Variants in NME7 observed in about 807,000 individuals in gnomAD.
The protein encoded by NME7 is nucleoside diphosphate kinase 7.
NME7 carries 41 observed loss-of-function variants against 49.1 expected under a neutral mutation model. That is an observed-to-expected ratio of 0.83 (90% confidence interval 0.65 to 1.08). NME7 has a LOEUF of 1.08. Ranked by LOEUF, NME7 falls within the 50% of genes least tolerant of loss-of-function variation. The pLI is 0.00. For synonymous variants in NME7, 139 were observed against 150.6 expected (o/e 0.92, Z 0.56); for missense variants, 423 against 463.4 (o/e 0.91, Z 0.80).
chr1:169,348,027 G>A (rs1653007622), intron 1 of NME7, among the ~76,000 whole-genome samples: 1 of 152,126 alleles, frequency 6.6e-6, no homozygotes. Context: ...GATTCTGATA[G>A]CATTTTCATC....
At chr1:169,353,443 C>T (rs1235028616) in intron 1 of NME7, among the ~76,000 whole-genome samples, 1 of 151,996 alleles carries the variant, frequency 6.6e-6, no homozygotes, top group East Asian at 1.9e-4. Context: ...AACTATGAAA[C>T]TACTACAAGA....
Position 169,324,392 on chromosome 1 carries a change from C to T in NME7, c.111+1G>A. On this transcript the variant is annotated splice_donor_variant, in intron 2 of 11. Coordinates refer to ENST00000367811, the MANE Select transcript of NME7 (RefSeq NM_013330.5). LOFTEE classifies it high-confidence loss of function. The stretch of plus-strand genomic sequence containing the variant: ...ATTCAAGCAAAGAAAGGCTTATTTA[C>T]CATTTCAACAGATCCATCCCCTGGG... The T allele has an allele frequency of 1.9e-6, 3 of 1,596,912 alleles. No individual in the cohort carries two copies. The highest frequency in any genetic ancestry group is 1.7e-6 in the Non-Finnish European group (2 of 1,164,728).
At chr1:169,236,792 G>T (rs1647875328) in intron 8 of NME7, among the ~76,000 whole-genome samples, 1 of 148,376 alleles carries the variant, frequency 6.7e-6, no homozygotes, top group South Asian at 2.1e-4. Context: ...CCTTGATTTT[G>T]GGTAATCTTA....
chr1:169,175,762 A>G (rs1407410863), intron 10 of NME7, among the ~76,000 whole-genome samples: 1 of 152,152 alleles, frequency 6.6e-6, no homozygotes, highest in Non-Finnish European at 1.5e-5. Context: ...GGACTACAGG[A>G]TAACTATGTT....
intron 7 of NME7, among the ~76,000 whole-genome samples, chr1:169,274,950 G>C (rs1649643621): frequency 7.5e-6 from 1 of 132,866 alleles, no homozygotes; most frequent in Non-Finnish European, 1.8e-5. Context: ...GGCGATGTGG[G>C]CTCTTTTTTG....
chr1:169,319,052 T>C (rs1403209572), intron 3 of NME7, among the ~76,000 whole-genome samples: 2 of 148,878 alleles, frequency 1.3e-5, no homozygotes, highest in East Asian at 1.9e-4. Flanking sequence ...TTAATTTTAA[T>C]TTTAATTTAA....
intron 7 of NME7, among the ~76,000 whole-genome samples, chr1:169,273,342 G>C (rs1649561105): frequency 7.6e-6 from 1 of 132,184 alleles, no homozygotes; most frequent in South Asian, 2.3e-4. Context: ...AGTTTGCTGA[G>C]AATGACAGTT....
chr1:169,349,133 A>T (rs1049001005), intron 1 of NME7, among the ~76,000 whole-genome samples: 6 of 151,918 alleles, frequency 3.9e-5, no homozygotes. Context: ...GAATAAGTTA[A>T]TAAGTTTCTT....
At chr1:169,235,246 A>C in intron 8 of NME7, 47 bp from the exon 9 acceptor site, 3 of 1,001,752 alleles carry the variant, frequency 3.0e-6, no homozygotes, top group Non-Finnish European at 4.4e-6. Context: ...CAACCAACAA[A>C]AGGGAAATAA....
At chr1:169,181,585 A>G (rs1204978219) in intron 10 of NME7, among the ~76,000 whole-genome samples, 1 of 152,002 alleles carries the variant, frequency 6.6e-6, no homozygotes, top group Non-Finnish European at 1.5e-5. Flanking sequence ...TATTTTATGC[A>G]TCCTATCAAA....
In NME7 at chr1:169,355,243, T is replaced by A. The variant is rs1195500350; in HGVS notation, c.3+12465A>T. On this transcript the variant is annotated intron_variant, in intron 1 of 11. Transcript: ENST00000367811. Reference sequence around the variant, plus strand: ...ATTATAGATATAATATATAATATATTATATATTATATCTATATATAATATA... The same window carrying A: ...ATTATAGATATAATATATAATATATAATATATTATATCTATATATAATATA... Among the ~76,000 whole-genome samples the A allele has an allele frequency of 4.0e-5, 3 of 74,624 alleles. 1 individual carries two copies. Among genetic ancestry groups the A allele is most frequent in the African/African-American group, 1.6e-4 (3 of 19,214 alleles). The allele number at this position is 74,624 out of a possible 152,430, so 49.0% of individuals were successfully genotyped here.
At chr1:169,176,041 C>T (rs983314311) in intron 10 of NME7, among the ~76,000 whole-genome samples, 6 of 152,116 alleles carry the variant, frequency 3.9e-5, no homozygotes, top group African/African-American at 9.7e-5. Flanking sequence ...TTGACTCCTC[C>T]GGCACTTCAA....
intron 1 of NME7, among the ~76,000 whole-genome samples, chr1:169,330,169 A>T (rs1024931450): frequency 1.1e-4 from 17 of 152,232 alleles, no homozygotes; most frequent in African/African-American, 4.1e-4. Flanking sequence ...CATCAACACC[A>T]GACCTGTTCT....
chr1:169,231,846 A>G (rs1317801932), intron 9 of NME7, among the ~76,000 whole-genome samples: 20 of 152,144 alleles, frequency 1.3e-4, no homozygotes, highest in Admixed American at 1.3e-3. Context: ...AAAGTTTCAA[A>G]TTGATTCCAA....
rs1647584915 is a variant in NME7, at chr1:169,230,888, A to G, written c.889-69T>C. Reference sequence around the variant, plus strand: ...TTAACTCTCCCCTTTTAATTGTTTCACTGTTCCACTAATGTCCTTAAAGTC... The same window carrying G: ...TTAACTCTCCCCTTTTAATTGTTTCGCTGTTCCACTAATGTCCTTAAAGTC... On this transcript the variant is annotated intron_variant, in intron 9 of 11. Coordinates refer to ENST00000367811, the MANE Select transcript of NME7 (RefSeq NM_013330.5). 2.9e-6 allele frequency: 3 copies of G among 1,025,322 alleles called. No individual in the cohort carries two copies. In the East Asian group the frequency reaches 8.2e-5, roughly 28 times the overall value. The allele number at this position is 1,025,322 out of a possible 1,614,324, so 63.5% of individuals were successfully genotyped here.
intron 3 of NME7, among the ~76,000 whole-genome samples, chr1:169,316,660 TG>T (rs1201395750): frequency 6.6e-6 from 1 of 152,098 alleles, no homozygotes; most frequent in African/African-American, 2.4e-5. Flanking sequence ...GAGATGTCAG[TG>T]TGAGGAGGAC....
chr1:169,214,298 C>T (rs10158265), intron 10 of NME7, among the ~76,000 whole-genome samples: 15,464 of 152,218 alleles, frequency 0.1, 835 homozygotes, highest in Admixed American at 0.12. Flanking sequence ...AAAGACTGGT[C>T]TTTCCTTTCC....
At chr1:169,361,993 A>G (rs1238832208) in intron 1 of NME7, among the ~76,000 whole-genome samples, 2 of 152,062 alleles carry the variant, frequency 1.3e-5, no homozygotes, top group Non-Finnish European at 2.9e-5. Flanking sequence ...GGATCACTTG[A>G]GGTCAGGAGC....
chr1:169,348,510 G>GT (rs1263584597), intron 1 of NME7, among the ~76,000 whole-genome samples: 1 of 152,118 alleles, frequency 6.6e-6, no homozygotes, highest in Non-Finnish European at 1.5e-5. Flanking sequence ...GTGTACATCT[G>GT]TGATTTCTAG....
Sources: gnomAD v4.1 joint callset for allele counts (sites outside exome capture counted in the v4.1 genomes callset) on GRCh38, gnomAD v4.1.1 for gene constraint, MANE v1.5 for transcripts, NCBI Gene and HGNC (gene_info 2026-07-23, HGNC 2026-07-21) for gene names.